Variants in FAM227A observed in about 807,000 individuals in gnomAD.
FAM227A encodes the protein protein FAM227A.
FAM227A carries 80 observed loss-of-function variants against 74.7 expected under a neutral mutation model. The observed-to-expected ratio is 1.07, with a 90% CI of 0.89 to 1.29. The LOEUF is 1.29. FAM227A is among the 50% of genes most tolerant of loss of function. The pLI, the probability that FAM227A is intolerant of heterozygous loss-of-function variation, is 0.00. For missense variants in FAM227A, 654 were observed against 683.4 expected, an observed-to-expected ratio of 0.96 and a Z score of 0.48; for synonymous variants, 237 against 241.8, an observed-to-expected ratio of 0.98 and a Z score of 0.19.
chr22:38,625,740 T>C (rs539914664), intron 9 of FAM227A, among the ~76,000 whole-genome samples: 1 of 151,984 alleles, frequency 6.6e-6, no homozygotes, highest in East Asian at 1.9e-4. Context: ...GGTCAGGAGG[T>C]TGAGACCAGC....
intron 7 of FAM227A, 26 bp from the exon 8 acceptor site, chr22:38,628,368 A>T: frequency 6.9e-7 from 1 of 1,454,276 alleles, no homozygotes; most frequent in South Asian, 1.2e-5. Flanking sequence ...ATGAAAAAGG[A>T]ATTACTAAAG....
At chr22:38,636,163 G>C (rs1008196886) in intron 6 of FAM227A, among the ~76,000 whole-genome samples, 1 of 152,156 alleles carries the variant, frequency 6.6e-6, no homozygotes, top group African/African-American at 2.4e-5. Flanking sequence ...GTAGTGATTG[G>C]CAACAGAATA....
chr22:38,583,901 T>C lies in FAM227A; in HGVS notation c.*2224A>G, dbSNP rs1872104041. On this transcript the variant is annotated 3_prime_UTR_variant, in exon 17 of 17. Coordinates refer to ENST00000535113, the MANE Select transcript of FAM227A (RefSeq NM_001013647.2). ...GCTGCTTGGTTTGGGCAAACAGCCA[T>C]CTGCACCATTTCTTTCCTCTTGGCT... The C allele has an allele frequency of 6.6e-6, 1 of 152,310 alleles. No homozygotes were observed. The highest frequency in any genetic ancestry group is 1.5e-5 in the Non-Finnish European group (1 of 68,110). 9.4% of individuals were successfully genotyped at this position (152,310 alleles called of 1,614,324 possible).
chr22:38,599,896 T>C lies in FAM227A; in HGVS notation c.1247A>G (p.Glu416Gly). The change falls in exon 14 of 17, where the codon GAG (glutamate) becomes GGG (glycine). Residue 416 changes from glutamate to glycine, a missense_variant. Physicochemically the swap from Glu to Gly is moderately conservative, Grantham distance 98. Coordinates refer to ENST00000535113, the MANE Select transcript of FAM227A (RefSeq NM_001013647.2). Reference protein sequence around the residue: ...KKSCAACKSPELTSNLFNIYG... With the variant: ...KKSCAACKSPGLTSNLFNIYG... ...AATGTTGAAGAGGTTTGAAGTCAGC[T>C]CAGGGCTTTTGCAGGCAGCACACGA... 1 of 1,550,410 alleles carries C rather than the reference T, an allele frequency of 6.4e-7. No homozygotes were observed. Among genetic ancestry groups the C allele is most frequent in the African/African-American group, 1.4e-5 (1 of 73,038 alleles).
intron 3 of FAM227A, among the ~76,000 whole-genome samples, chr22:38,642,541 A>T (rs1275878672): frequency 6.6e-6 from 1 of 152,244 alleles, no homozygotes; most frequent in Non-Finnish European, 1.5e-5. Flanking sequence ...AAAATTAAAA[A>T]TTTCTGCTCT....
At chr22:38,625,620 C>T (rs1214887697) in intron 9 of FAM227A, among the ~76,000 whole-genome samples, 1 of 151,882 alleles carries the variant, frequency 6.6e-6, no homozygotes, top group African/African-American at 2.4e-5. Context: ...GGATATGGCC[C>T]CTCACTCCCT....
intron 8 of FAM227A, 77 bp from the exon 9 acceptor site, chr22:38,626,380 TTTC>T (rs781716811): frequency 4.1e-6 from 6 of 1,465,858 alleles, no homozygotes; most frequent in Non-Finnish European, 5.4e-6. Context: ...GAGGAAGGAC[TTTC>T]TTTTTTTATA....
At chr22:38,597,479 CGTT>C in intron 14 of FAM227A, 123 bp from the exon 15 acceptor site, 1 of 935,014 alleles carries the variant, frequency 1.1e-6, no homozygotes, top group Non-Finnish European at 1.7e-6. Context: ...AAATGCCCTG[CGTT>C]TCTGGATAAG....
Position 38,583,171 on chromosome 22 carries a change from C to CTTTTTTTT in FAM227A, c.*2946_*2953dup, listed in dbSNP as rs34386912. The CTTTTTTTT allele has an allele frequency of 8.2e-6, 2 of 244,730 alleles. No homozygotes were observed. Among genetic ancestry groups the CTTTTTTTT allele is most frequent in the Non-Finnish European group, 7.5e-6 (1 of 133,548 alleles). The allele number at this position is 244,730 out of a possible 1,614,324, so 15.2% of individuals were successfully genotyped here. ...CACGTTCTGGTTTCAGAAGACTATA[C>CTTTTTTTT]TTTTTTTTTTTTTTTTTTGAGATGG... On this transcript the variant is annotated 3_prime_UTR_variant, in exon 17 of 17. Coordinates refer to ENST00000535113, the MANE Select transcript of FAM227A (RefSeq NM_001013647.2).
chr22:38,585,464 T>A lies in FAM227A; in HGVS notation c.*661A>T, dbSNP rs1168078720. The A allele has an allele frequency of 6.6e-6, 1 of 152,236 alleles. No homozygotes were observed. The highest frequency in any genetic ancestry group is 1.5e-5 in the Non-Finnish European group (1 of 68,112). 9.4% of individuals were successfully genotyped at this position (152,236 alleles called of 1,614,324 possible). ...GAAAGAGGGCATATTGGAAATAGGC[T>A]GGCAATCCCAGTGGTTAGAGGAGCA... is the stretch of plus-strand genomic sequence containing the variant. On this transcript the variant is annotated 3_prime_UTR_variant, in exon 17 of 17. Transcript: ENST00000535113.
intron 16 of FAM227A, among the ~76,000 whole-genome samples, chr22:38,588,613 T>C (rs1263700753): frequency 1.2e-5 from 1 of 82,322 alleles, no homozygotes; most frequent in African/African-American, 5.1e-5. Flanking sequence ...AGTGACTCTG[T>C]CTAAAAAAAA....
intron 11 of FAM227A, among the ~76,000 whole-genome samples, chr22:38,613,190 A>ATGC (rs2091471541): frequency 6.2e-5 from 5 of 80,706 alleles, no homozygotes; most frequent in African/African-American, 2.7e-4. Flanking sequence ...TATATAATAT[A>ATGC]TATATATTAT....
At chr22:38,638,216 G>A (rs1315200876) in intron 5 of FAM227A, among the ~76,000 whole-genome samples, 1 of 152,144 alleles carries the variant, frequency 6.6e-6, no homozygotes, top group Non-Finnish European at 1.5e-5. Flanking sequence ...GAAATGGGGG[G>A]CTGTGCGGTG....
chr22:38,616,708 A>G (rs536709322), intron 11 of FAM227A, among the ~76,000 whole-genome samples: 2 of 152,170 alleles, frequency 1.3e-5, no homozygotes, highest in East Asian at 1.9e-4. Flanking sequence ...GAAAGGGAGC[A>G]AAAGATGGGG....
intron 6 of FAM227A, among the ~76,000 whole-genome samples, chr22:38,632,840 T>G (rs2091938962): frequency 6.6e-6 from 1 of 152,138 alleles, no homozygotes; most frequent in Non-Finnish European, 1.5e-5. Context: ...GTCTTTAGAT[T>G]CGACAAGGTG....
At chr22:38,634,221 C>CAAAAAAAAAAAAAAAAAAAAAAAAA (rs34039010) in intron 6 of FAM227A, among the ~76,000 whole-genome samples, 1 of 62,156 alleles carries the variant, frequency 1.6e-5, no homozygotes. Flanking sequence ...GACTCTGTCT[C>CAAAAAAAAAAAAAAAAAAAAAAAAA]AAAAAAAAAA....
Position 38,582,344 on chromosome 22 carries a change from CTAGTTT to C in FAM227A, c.*3775_*3780del. 2.6e-6 allele frequency: 4 copies of C among 1,549,804 alleles called. No individual in the cohort carries two copies. Among genetic ancestry groups the C allele is most frequent in the Non-Finnish European group, 3.5e-6 (4 of 1,146,460 alleles). Reference sequence around the variant, plus strand: ...CTATAGGATTTTAACTTCATCTCTTCTAGTTTAACATCTGAATTTATCTTCTTCCAT... The same window carrying C: ...CTATAGGATTTTAACTTCATCTCTTCAACATCTGAATTTATCTTCTTCCAT... On this transcript the variant is annotated 3_prime_UTR_variant, in exon 17 of 17. Coordinates refer to ENST00000535113, the MANE Select transcript of FAM227A (RefSeq NM_001013647.2).
At chr22:38,646,491 T>C (rs1031587582) in intron 2 of FAM227A, among the ~76,000 whole-genome samples, 4 of 150,378 alleles carry the variant, frequency 2.7e-5, no homozygotes, top group Non-Finnish European at 5.9e-5. Flanking sequence ...CTCGATCTCC[T>C]GACCTCGTGA....
intron 1 of FAM227A, among the ~76,000 whole-genome samples, chr22:38,650,832 G>A (rs929779960): frequency 6.6e-6 from 1 of 152,120 alleles, no homozygotes; most frequent in Non-Finnish European, 1.5e-5. Context: ...GTCCTTGCTT[G>A]TTGGCCAGGA....
Sources: gnomAD v4.1 joint callset for allele counts (sites outside exome capture counted in the v4.1 genomes callset) on GRCh38, gnomAD v4.1.1 for gene constraint, MANE v1.5 for transcripts, NCBI Gene and HGNC (gene_info 2026-07-23, HGNC 2026-07-21) for gene names.